The following MMP26 variants were observed in gnomAD, a reference collection of about 807,000 sequenced individuals.
MMP26 encodes the protein matrix metalloproteinase-26.
A neutral mutation model predicts 31.0 loss-of-function variants in MMP26; 33 were observed. The observed-to-expected ratio is 1.06, with a 90% CI of 0.81 to 1.42. MMP26 has a LOEUF of 1.42. Ranked by LOEUF, MMP26 falls within the 40% of genes most tolerant of loss-of-function variation. MMP26 has a pLI of 0.00. For missense variants in MMP26, 347 were observed against 316.1 expected, an observed-to-expected ratio of 1.10 and a Z score of -0.74; for synonymous variants, 122 against 114.9, an observed-to-expected ratio of 1.06 and a Z score of -0.40.
chr11:4,904,974 G>T (rs1218459856), intron 2 of MMP26, among the ~76,000 whole-genome samples: 1 of 152,096 alleles, frequency 6.6e-6, no homozygotes, highest in African/African-American at 2.4e-5. Flanking sequence ...TTACATGAAA[G>T]TAGTACGTTA....
intron 2 of MMP26, among the ~76,000 whole-genome samples, chr11:4,852,121 G>A (rs1488311537): frequency 6.6e-5 from 10 of 151,934 alleles, no homozygotes; most frequent in African/African-American, 1.7e-4. Flanking sequence ...ACAAAAATAC[G>A]TGAGAGATGG....
At chr11:4,707,315 T>G (rs1322059995) in intron 1 of MMP26, among the ~76,000 whole-genome samples, 1 of 152,222 alleles carries the variant, frequency 6.6e-6, no homozygotes, top group African/African-American at 2.4e-5. Context: ...TTGTTGGCCA[T>G]TTGTATGTTT....
At chr11:4,882,172 C>A in intron 2 of MMP26, 1 of 1,613,812 alleles carries the variant, frequency 6.2e-7, no homozygotes, top group South Asian at 1.1e-5. Context: ...GGTTTCATGC[C>A]CGGGAGATCA....
In MMP26 at chr11:4,989,763, A is replaced by G. The variant is rs766069648; in HGVS notation, c.215A>G (p.Gln72Arg). 2.5e-5 allele frequency: 40 copies of G among 1,613,988 alleles called. No individual in the cohort carries two copies. The highest frequency in any genetic ancestry group is 3.4e-5 in the Non-Finnish European group (40 of 1,180,016). Residue 72 changes from glutamine to arginine, a missense_variant, in exon 4 of 8, where the codon CAG (glutamine) becomes CGG (arginine). Gln to Arg is a conservative substitution (Grantham distance 43). Transcript: ENST00000380390. Reference protein sequence around the residue: ...HRNGTDLLDMQMHALLHQPHC... With the variant: ...HRNGTDLLDMRMHALLHQPHC... The stretch of plus-strand genomic sequence containing the variant: ...AATGGGACAGACCTACTTGACATGC[A>G]GATGCATGCTCTGCTACACCAGCCC...
At chr11:4,854,465 C>T (rs1046553129) in intron 2 of MMP26, among the ~76,000 whole-genome samples, 1 of 152,204 alleles carries the variant, frequency 6.6e-6, no homozygotes, top group African/African-American at 2.4e-5. Context: ...TTGCTCATTG[C>T]TAGCACAGTG....
chr11:4,927,926 G>A lies in MMP26; in HGVS notation c.-144-60142G>A, dbSNP rs563653724. Among the ~76,000 whole-genome samples, 161 of 152,160 alleles carry A rather than the reference G, an allele frequency of 1.1e-3. 4 individuals are homozygous for A. The South Asian group carries it at 0.033, about 31-fold the overall frequency. ...ATCATCTATCATGCCTGATCTGTGG[G>A]CAAGGGATACTAAATGATACTTTCA... On this transcript the variant is annotated intron_variant, in intron 2 of 7. Coordinates refer to ENST00000380390, the MANE Select transcript of MMP26 (RefSeq NM_021801.5).
In MMP26 at chr11:4,804,211, G is replaced by T. The variant is rs569448624; in HGVS notation, c.-145+36870G>T. The T allele has an allele frequency of 3.0e-5, 49 of 1,614,110 alleles. No homozygotes were observed. In the South Asian group the frequency reaches 3.2e-4, roughly 10 times the overall value. ...AAAGAGGTACATGGGCTCATGCAGGGTGTGGTCAATTCTGATTACATGGAG... is the reference window on the plus strand; with the variant it reads ...AAAGAGGTACATGGGCTCATGCAGGTTGTGGTCAATTCTGATTACATGGAG... On this transcript the variant is annotated intron_variant, in intron 2 of 7. Coordinates refer to ENST00000380390, the MANE Select transcript of MMP26 (RefSeq NM_021801.5).
At chr11:4,706,833 A>G (rs1430182875) in intron 1 of MMP26, among the ~76,000 whole-genome samples, 2 of 152,184 alleles carry the variant, frequency 1.3e-5, no homozygotes, top group Non-Finnish European at 2.9e-5. Context: ...AGTTTGGCTA[A>G]GAGATACTTC....
intron 1 of MMP26, among the ~76,000 whole-genome samples, chr11:4,708,140 C>T (rs754689670): frequency 6.6e-6 from 1 of 152,122 alleles, no homozygotes; most frequent in Non-Finnish European, 1.5e-5. Flanking sequence ...GTACATGTCC[C>T]GATTCTCGTA....
At chr11:4,763,386 T>C (rs1180403739) in intron 1 of MMP26, among the ~76,000 whole-genome samples, 1 of 152,220 alleles carries the variant, frequency 6.6e-6, no homozygotes, top group Non-Finnish European at 1.5e-5. Flanking sequence ...GCCAGAAGTC[T>C]GAGGAAGGCA....
intron 2 of MMP26, among the ~76,000 whole-genome samples, chr11:4,918,141 A>G (rs980795020): frequency 6.6e-6 from 1 of 152,018 alleles, no homozygotes; most frequent in African/African-American, 2.4e-5. Context: ...GAGGAAAGAG[A>G]GGCTTAGAGA....
At chr11:4,729,856 G>A (rs924702966) in intron 1 of MMP26, among the ~76,000 whole-genome samples, 10 of 151,848 alleles carry the variant, frequency 6.6e-5, no homozygotes, top group African/African-American at 2.4e-4. Context: ...GATCAGGCAT[G>A]GATTTTTGTG....
At chr11:4,802,822 T>C (rs1156764931) in intron 2 of MMP26, among the ~76,000 whole-genome samples, 4 of 152,190 alleles carry the variant, frequency 2.6e-5, no homozygotes, top group Admixed American at 6.5e-5. Flanking sequence ...TTTAAGATTA[T>C]ATCTTGCTTA....
At chr11:4,826,437 C>T (rs1849579164) in intron 2 of MMP26, among the ~76,000 whole-genome samples, 1 of 152,080 alleles carries the variant, frequency 6.6e-6, no homozygotes, top group African/African-American at 2.4e-5. Flanking sequence ...ATCTCAGCTT[C>T]AGTGCTGGCC....
chr11:4,975,956 A>G (rs1406850685), intron 2 of MMP26, among the ~76,000 whole-genome samples: 2 of 152,100 alleles, frequency 1.3e-5, no homozygotes, highest in Admixed American at 1.3e-4. Context: ...TTGAGCTTAT[A>G]CCAGCCCTCT....
intron 2 of MMP26, among the ~76,000 whole-genome samples, chr11:4,779,184 C>A (rs1848826745): frequency 1.3e-5 from 2 of 151,932 alleles, no homozygotes; most frequent in African/African-American, 4.8e-5. Flanking sequence ...ATCCTGTGAC[C>A]AAATGCATAG....
intron 2 of MMP26, among the ~76,000 whole-genome samples, chr11:4,798,959 G>A (rs867667581): frequency 1.3e-5 from 2 of 152,136 alleles, no homozygotes; most frequent in South Asian, 2.1e-4. Flanking sequence ...TGAAAACCAC[G>A]AAAAGCTGAT....
intron 2 of MMP26, among the ~76,000 whole-genome samples, chr11:4,933,527 GTTTTT>G (rs71050439): frequency 1.4e-5 from 2 of 146,334 alleles, no homozygotes; most frequent in African/African-American, 5.1e-5. Context: ...TATTTTTTTT[GTTTTT>G]TTTTTTGTTT....
intron 2 of MMP26, among the ~76,000 whole-genome samples, chr11:4,783,561 C>A (rs1177264776): frequency 6.6e-6 from 1 of 152,076 alleles, no homozygotes; most frequent in Non-Finnish European, 1.5e-5. Context: ...TGAGCTAAGA[C>A]TCTGTGGGAC....
Sources: gnomAD v4.1 joint callset for allele counts (sites outside exome capture counted in the v4.1 genomes callset) on GRCh38, gnomAD v4.1.1 for gene constraint, MANE v1.5 for transcripts, NCBI Gene and HGNC (gene_info 2026-07-23, HGNC 2026-07-21) for gene names.